The following DCTN5 variants were observed in gnomAD, a reference collection of about 807,000 sequenced individuals.
DCTN5 encodes dynactin 4.
A neutral mutation model predicts 23.5 loss-of-function variants in DCTN5; 14 were observed. The observed-to-expected ratio is 0.60, with a 90% confidence interval of 0.39 to 0.93. DCTN5 has a LOEUF of 0.93. Among genes scored for constraint, DCTN5 ranks in the 40% least tolerant of loss-of-function variants. The pLI is 0.00. For synonymous variants in DCTN5, 67 were observed against 79.6 expected (o/e 0.84, Z 0.84); for missense variants, 156 against 225.9 (o/e 0.69, Z 1.98).
chr16:23,655,796 C>T (rs1967694083), intron 2 of DCTN5, among the ~76,000 whole-genome samples: 2 of 152,214 alleles, frequency 1.3e-5, no homozygotes, highest in Non-Finnish European at 2.9e-5. Flanking sequence ...CCTCCTGCAT[C>T]AGCCTCCCAA....
chr16:23,674,486 T>A lies in DCTN5; in HGVS notation c.*7342T>A, dbSNP rs1392480105. On this transcript the variant is annotated 3_prime_UTR_variant, in exon 6 of 6. Transcript: ENST00000300087. ...AAACCTTCTCTGGGGCTTCTCTCAC[T>A]GCTGTTGACTTGTTGCATTCAGCTT... The A allele has an allele frequency of 6.6e-6, 1 of 152,250 alleles. No individual in the cohort carries two copies. Among genetic ancestry groups the A allele is most frequent in the Admixed American group, 6.5e-5 (1 of 15,290 alleles). The allele number at this position is 152,250 out of a possible 1,614,324, so 9.4% of individuals were successfully genotyped here.
chr16:23,662,075 TA>T (rs1310497367), intron 4 of DCTN5, among the ~76,000 whole-genome samples: 6 of 150,508 alleles, frequency 4.0e-5, no homozygotes. Context: ...ACCCAAAAGT[TA>T]AGGGATTTGA....
Position 23,668,364 on chromosome 16 carries a change from T to A in DCTN5, c.*1220T>A, listed in dbSNP as rs1597127689. On this transcript the variant is annotated 3_prime_UTR_variant, in exon 6 of 6. Coordinates refer to ENST00000300087, the MANE Select transcript of DCTN5 (RefSeq NM_032486.4). ...TGTAATCATTGCCACTAGTTCCATC[T>A]AGAACTCCTTTCTAGTTTGTTATTT... 6.6e-6 allele frequency: 1 copy of A among 152,260 alleles called. No individual in the cohort carries two copies. The highest frequency in any genetic ancestry group is 1.9e-4 in the East Asian group (1 of 5,208). 9.4% of individuals were successfully genotyped at this position (152,260 alleles called of 1,614,324 possible).
intron 5 of DCTN5, chr16:23,666,801 G>A (rs951171211): frequency 3.6e-6 from 2 of 554,950 alleles, no homozygotes; most frequent in East Asian, 2.9e-5. Flanking sequence ...ATTCTACCGT[G>A]TCATGCATCT....
chr16:23,656,294 C>A (rs1967702208), intron 2 of DCTN5, among the ~76,000 whole-genome samples: 1 of 152,166 alleles, frequency 6.6e-6, no homozygotes, highest in South Asian at 2.1e-4. Flanking sequence ...TCCAGTACTT[C>A]CTTAATACCA....
chr16:23,657,981 G>C (rs1216345443), intron 2 of DCTN5, among the ~76,000 whole-genome samples: 1 of 152,170 alleles, frequency 6.6e-6, no homozygotes, highest in African/African-American at 2.4e-5. Context: ...CAGACTTATA[G>C]GGGAACAACT....
chr16:23,665,790 G>A (rs35585), intron 5 of DCTN5, 62 bp downstream of exon 5: 365,273 of 1,370,684 alleles, frequency 0.27, 50,242 homozygotes, highest in East Asian at 0.44. Flanking sequence ...ATTTTCCATC[G>A]CAAAAGTAAT....
chr16:23,657,781 C>G (rs981677737), intron 2 of DCTN5, among the ~76,000 whole-genome samples: 7 of 152,162 alleles, frequency 4.6e-5, no homozygotes, highest in Non-Finnish European at 1.0e-4. Context: ...TTTATTGACT[C>G]TATATCCTCT....
In DCTN5 at chr16:23,675,983, CA is replaced by C. The variant is rs1376683885; in HGVS notation, c.*8840del. ...GAGTTCCCCTGGTAGGAGGTCTGTT[CA>C]CCTGTACAGCCTAATGGATGTCCTG... On this transcript the variant is annotated 3_prime_UTR_variant, in exon 6 of 6. Coordinates refer to ENST00000300087, the MANE Select transcript of DCTN5 (RefSeq NM_032486.4). 1 of 152,146 alleles carries C rather than the reference CA, an allele frequency of 6.6e-6. No individual in the cohort carries two copies. The highest frequency in any genetic ancestry group is 1.5e-5 in the Non-Finnish European group (1 of 68,044). The allele number at this position is 152,146 out of a possible 1,614,324, so 9.4% of individuals were successfully genotyped here. A position where few individuals can be genotyped will look rare whatever the true frequency, so the allele number is the denominator to read the frequency against.
intron 2 of DCTN5, among the ~76,000 whole-genome samples, chr16:23,655,676 C>T (rs185321187): frequency 2.0e-5 from 3 of 152,118 alleles, no homozygotes; most frequent in Admixed American, 2.0e-4. Flanking sequence ...TCCTGAGTAG[C>T]TGGGACTACA....
intron 2 of DCTN5, among the ~76,000 whole-genome samples, chr16:23,654,391 G>A (rs962763882): frequency 6.6e-6 from 1 of 152,120 alleles, no homozygotes; most frequent in Non-Finnish European, 1.5e-5. Flanking sequence ...GGATGGAGCT[G>A]GAGGCTAAAT....
At position 23,676,864 on chromosome 16, in the gene DCTN5, G is replaced by A. The variant is rs1959230162; in HGVS notation, c.*9720G>A. The A allele has an allele frequency of 1.3e-5, 2 of 152,330 alleles. No individual in the cohort carries two copies. Among genetic ancestry groups the A allele is most frequent in the South Asian group, 4.1e-4 (2 of 4,824 alleles). 9.4% of individuals were successfully genotyped at this position (152,330 alleles called of 1,614,324 possible). On this transcript the variant is annotated 3_prime_UTR_variant, in exon 6 of 6. Coordinates refer to ENST00000300087, the MANE Select transcript of DCTN5 (RefSeq NM_032486.4). ...GGAGGGTTCTCATTACTCCCTAAAT[G>A]ATAAGAGTGGCTCACTGTGCCTAAA... is the stretch of plus-strand genomic sequence containing the variant.
chr16:23,644,136 CT>C (rs34961569), intron 2 of DCTN5, among the ~76,000 whole-genome samples: 1 of 151,240 alleles, frequency 6.6e-6, no homozygotes, highest in South Asian at 2.1e-4. Context: ...CTTTTTTTTC[CT>C]TTTTTGTTGA....
rs114546857 is a variant in DCTN5, at chr16:23,664,616, G to C, written c.349-1010G>C. On this transcript the variant is annotated intron_variant, in intron 4 of 5. Coordinates refer to ENST00000300087, the MANE Select transcript of DCTN5 (RefSeq NM_032486.4). The stretch of plus-strand genomic sequence containing the variant: ...TCCTCAGCAAGGAGTCTAAGATACA[G>C]CTGTAAACTGTACACAGAAGCCCCA... Among the ~76,000 whole-genome samples, 425 of 152,328 alleles carry C rather than the reference G, an allele frequency of 2.8e-3. 2 individuals carry two copies. The highest frequency in any genetic ancestry group is 9.8e-3 in the African/African-American group (406 of 41,576).
Position 23,671,566 on chromosome 16 carries a change from G to A in DCTN5, c.*4422G>A, listed in dbSNP as rs1425590024. 2 of 152,176 alleles carry A rather than the reference G, an allele frequency of 1.3e-5. No homozygotes were observed. The highest frequency in any genetic ancestry group is 4.8e-5 in the African/African-American group (2 of 41,446). The allele number at this position is 152,176 out of a possible 1,614,324, so 9.4% of individuals were successfully genotyped here. ...AGCAGAGGAAACTGATATTCAGAGA[G>A]GTTAAGTAAATTTGCCCAATGCCAC... On this transcript the variant is annotated 3_prime_UTR_variant, in exon 6 of 6. Transcript: ENST00000300087.
intron 2 of DCTN5, among the ~76,000 whole-genome samples, chr16:23,655,500 G>A (rs1967685712): frequency 6.6e-6 from 1 of 151,654 alleles, no homozygotes; most frequent in Non-Finnish European, 1.5e-5. Flanking sequence ...CTCAGCCTCT[G>A]GTGTAGCTGG....
In DCTN5 at chr16:23,673,596, GT is replaced by G. The variant is rs927107268; in HGVS notation, c.*6456del. On this transcript the variant is annotated 3_prime_UTR_variant, in exon 6 of 6. Transcript: ENST00000300087. ...CAGCTACTCATCTCTTAAAAAAAAA[GT>G]TTTATGCTTGTTAATTTCATAAATG... 6.6e-6 allele frequency: 1 copy of G among 152,164 alleles called. No homozygotes were observed. Among genetic ancestry groups the G allele is most frequent in the Non-Finnish European group, 1.5e-5 (1 of 68,012 alleles). 9.4% of individuals were successfully genotyped at this position (152,164 alleles called of 1,614,324 possible).
chr16:23,661,142 C>G (rs1348842369), intron 3 of DCTN5, 28 bp from the exon 4 acceptor site: 2 of 1,521,118 alleles, frequency 1.3e-6, no homozygotes, highest in Non-Finnish European at 1.8e-6. Context: ...CTTGACCTTT[C>G]TGTGTTCATC....
Position 23,661,657 on chromosome 16 carries a change from G to A in DCTN5, c.348+376G>A, listed in dbSNP as rs1967813925. 2.6e-5 allele frequency among the ~76,000 whole-genome samples: 4 copies of A among 151,982 alleles called. No homozygotes were observed. In the South Asian group the frequency reaches 6.2e-4, roughly 24 times the overall value. On this transcript the variant is annotated intron_variant, in intron 4 of 5. Transcript: ENST00000300087. ...CACTTGAACCCAGGAGGCGGAGGTT[G>A]CAATGAGCCAAGATTGCACCACTGC... is the stretch of plus-strand genomic sequence containing the variant.
Sources: gnomAD v4.1 joint callset for allele counts (sites outside exome capture counted in the v4.1 genomes callset) on GRCh38, gnomAD v4.1.1 for gene constraint, MANE v1.5 for transcripts, NCBI Gene and HGNC (gene_info 2026-07-23, HGNC 2026-07-21) for gene names.